The following GIPR variants were observed in gnomAD, a reference collection of about 807,000 sequenced individuals.
The protein encoded by GIPR is GIP-R.
Under a neutral mutation model 62.2 loss-of-function variants are expected in GIPR, and 74 were observed. That is an observed-to-expected ratio of 1.19 (90% confidence interval 0.99 to 1.44). GIPR has a LOEUF of 1.44. Among genes scored for constraint, GIPR ranks in the 40% most tolerant of loss-of-function variants. The pLI is 0.00. For missense variants in GIPR, 664 were observed against 611.8 expected (o/e 1.09, Z -0.90); for synonymous variants, 256 against 262.2 (o/e 0.98, Z 0.23).
chr19:45,675,574 C>CA (rs35162445), intron 7 of GIPR, among the ~76,000 whole-genome samples: 14,081 of 48,396 alleles, frequency 0.29, 2,926 homozygotes, highest in East Asian at 0.43. Flanking sequence ...GACTCCATCG[C>CA]AAAAAAAAAA....
At position 45,681,913 on chromosome 19, in the gene GIPR, G is replaced by A. The variant is rs866824282; in HGVS notation, c.1379G>A (p.Arg460Gln). 2 of 1,560,458 alleles carry A rather than the reference G, an allele frequency of 1.3e-6. No homozygotes were observed. Among genetic ancestry groups the A allele is most frequent in the African/African-American group, 1.3e-5 (1 of 74,206 alleles). Residue 460 changes from arginine (R) to glutamine (Q), a missense_variant, in exon 14 of 14, where the codon CGG becomes CAG. Arg to Gln is a conservative substitution (Grantham distance 43, BLOSUM62 1). Transcript: ENST00000590918. ...CCAGGGCCTGGGAATGAGGCCAGCCGGGAGTTGGAAAGTTACTGCTAGGGG... is the reference window on the plus strand; with the variant it reads ...CCAGGGCCTGGGAATGAGGCCAGCCAGGAGTTGGAAAGTTACTGCTAGGGG... ...TLPGPGNEAS[R>Q]ELESYC
At chr19:45,677,177 G>T (rs1295860620) in intron 8 of GIPR, 69 bp downstream of exon 8, 15 of 1,545,812 alleles carry the variant, frequency 9.7e-6, no homozygotes, top group Non-Finnish European at 1.3e-5. Flanking sequence ...TGCCCTGCTG[G>T]TTGGCCTCTG....
rs149344188 is a variant in GIPR at position 45,674,154 on chromosome 19, C to T, written c.465C>T (p.Ala155=). The change falls in exon 6 of 14, where the codon GCC becomes GCT. Residue 155 remains alanine (A), a synonymous_variant. Coordinates refer to ENST00000590918, the MANE Select transcript of GIPR (RefSeq NM_000164.4). Reference sequence around the variant, plus strand: ...TGTCTCTCGCCACACTGCTGCTAGCCCTGCTCATCTTGAGTTTGTTCAGGT... The same window carrying T: ...TGTCTCTCGCCACACTGCTGCTAGCTCTGCTCATCTTGAGTTTGTTCAGGT... ...YSLSLATLLL[A]LLILSLFRRL... 1,675 of 1,612,608 alleles carry T rather than the reference C, an allele frequency of 1.0e-3. No individual in the cohort carries two copies. Among genetic ancestry groups the T allele is most frequent in the Non-Finnish European group, 1.2e-3 (1,470 of 1,178,670 alleles).
At chr19:45,678,451 A>C (rs1967072418) in intron 12 of GIPR, 1 of 594,594 alleles carries the variant, frequency 1.7e-6, no homozygotes. Flanking sequence ...GCAGCCTCTG[A>C]CTCCCGGGTT....
chr19:45,671,212 C>T, intron 3 of GIPR, 73 bp from the exon 4 acceptor site: 1 of 867,888 alleles, frequency 1.2e-6, no homozygotes, highest in East Asian at 2.4e-5. Context: ...AAGCACTTGG[C>T]CCACTGCGCA....
Position 45,683,088 on chromosome 19 carries a change from G to C in GIPR, c.*1153G>C, listed in dbSNP as rs1378372159. On this transcript the variant is annotated 3_prime_UTR_variant, in exon 14 of 14. Transcript: ENST00000590918. ...ACACAGCAGCAGAGAGGACTCCTTG[G>C]CTTTGGATGGTGGAGAGACTAAAGA... The C allele has an allele frequency of 2.0e-5, 3 of 152,702 alleles. No homozygotes were observed. Among genetic ancestry groups the C allele is most frequent in the African/African-American group, 4.8e-5 (2 of 41,430 alleles). The allele number at this position is 152,702 out of a possible 1,614,324, so 9.5% of individuals were successfully genotyped here.
At chr19:45,676,466 C>G (rs868729954) in intron 7 of GIPR, among the ~76,000 whole-genome samples, 1 of 137,046 alleles carries the variant, frequency 7.3e-6, no homozygotes, top group African/African-American at 2.8e-5. Context: ...CGGAGTCTCC[C>G]TCTGTCGCTC....
At chr19:45,681,244 C>T (rs755265441) in intron 12 of GIPR, among the ~76,000 whole-genome samples, 7 of 152,144 alleles carry the variant, frequency 4.6e-5, no homozygotes, top group Admixed American at 1.3e-4. Flanking sequence ...CCTGTAATCT[C>T]AGCACTTTGA....
chr19:45,681,380 A>G (rs1243255479), intron 12 of GIPR, among the ~76,000 whole-genome samples: 6 of 152,150 alleles, frequency 3.9e-5, no homozygotes, highest in Non-Finnish European at 7.4e-5. Flanking sequence ...CTGTAATCCC[A>G]GCTACTCAGG....
intron 3 of GIPR, 132 bp from the exon 4 acceptor site, chr19:45,671,153 G>C (rs924507572): frequency 4.2e-6 from 3 of 714,018 alleles, no homozygotes; most frequent in Non-Finnish European, 7.6e-6. Flanking sequence ...GGCGGGGCTA[G>C]AGCCGGGCTT....
rs2146105116 is a variant in GIPR at position 45,681,591 on chromosome 19, C to T, written c.1153-13C>T. On this transcript the variant is annotated splice_polypyrimidine_tract_variant and intron_variant, in intron 12 of 13. Coordinates refer to ENST00000590918, the MANE Select transcript of GIPR (RefSeq NM_000164.4). ...CCCACCAGCGATGTAACCTCCGCGC[C>T]TCCTCTGGGCAGGGCTTCCTGGTCA... 3 of 1,613,272 alleles carry T rather than the reference C, an allele frequency of 1.9e-6. No individual in the cohort carries two copies. Among genetic ancestry groups the T allele is most frequent in the East Asian group, 4.5e-5 (2 of 44,876 alleles).
chr19:45,680,601 G>A (rs931865276), intron 12 of GIPR, among the ~76,000 whole-genome samples: 20 of 151,862 alleles, frequency 1.3e-4, no homozygotes, highest in Non-Finnish European at 2.4e-4. Flanking sequence ...AGGCTGAGGC[G>A]GGCGTATTGC....
chr19:45,679,181 A>G (rs1456606891), intron 12 of GIPR, among the ~76,000 whole-genome samples: 1 of 152,118 alleles, frequency 6.6e-6, no homozygotes, highest in Non-Finnish European at 1.5e-5. Context: ...TAAACACACT[A>G]TAGAAGTAAG....
Position 45,678,219 on chromosome 19 carries a change from C to G in GIPR, c.1145C>G (p.Ser382Cys). 1.9e-6 allele frequency: 3 copies of G among 1,564,652 alleles called. No homozygotes were observed. The highest frequency in any genetic ancestry group is 2.6e-6 in the Non-Finnish European group (3 of 1,155,304). Residue 382 changes from serine (S) to cysteine (C), a missense_variant, in exon 12 of 14, where the codon TCC (serine) becomes TGC (cysteine). By Grantham distance (112) the Ser-to-Cys change is moderately radical. Coordinates refer to ENST00000590918, the MANE Select transcript of GIPR (RefSeq NM_000164.4). ...AKLGFEIFLSSFQGFLVSVLY... is the reference protein window; with the variant it reads ...AKLGFEIFLSCFQGFLVSVLY... ...CTCGGCTTTGAGATCTTCCTCAGCT[C>G]CTTCCAGGTGCTCAGGCAGGGTGCA...
intron 12 of GIPR, among the ~76,000 whole-genome samples, chr19:45,680,839 CAA>C (rs10561788): frequency 0.24 from 26,849 of 111,526 alleles, 2,796 homozygotes; most frequent in East Asian, 0.42. Context: ...TCCCTGTCTC[CAA>C]AAAAAAAAAA....
rs1159346488 is a variant in GIPR, at chr19:45,676,951, C to T, written c.636C>T (p.Ala212=). The part of the protein sequence containing the change: ...GDQALALWNQ[A]LAACRTAQIV... ...CTACCGGTCTGGCCCCTCCCTAGGC[C>T]CTCGCTGCCTGCCGCACGGCCCAGA... Residue 212 remains alanine, a splice_region_variant and synonymous_variant, in exon 8 of 14, where the codon GCC becomes GCT. Transcript: ENST00000590918. 1 of 1,613,826 alleles carries T rather than the reference C, an allele frequency of 6.2e-7. No individual in the cohort carries two copies. The highest frequency in any genetic ancestry group is 2.2e-5 in the East Asian group (1 of 44,894).
chr19:45,677,915 C>T lies in GIPR; in HGVS notation c.934C>T (p.Leu312Phe), dbSNP rs183321661. The change falls in exon 11 of 14, where the codon CTC becomes TTC. Residue 312 changes from leucine (L) to phenylalanine (F), a missense_variant. By Grantham distance (22) the Leu-to-Phe change is conservative (BLOSUM62 0). Coordinates refer to ENST00000590918, the MANE Select transcript of GIPR (RefSeq NM_000164.4). ...TTATCTCTCCCCACAGATTAATTTC[C>T]TCATTTTTATCCGCATTCTTGGCAT... ...PILMTILINF[L>F]IFIRILGILL... 4 of 1,614,024 alleles carry T rather than the reference C, an allele frequency of 2.5e-6. No homozygotes were observed. The East Asian group carries it at 8.9e-5, about 36-fold the overall frequency.
chr19:45,669,730 G>A (rs1313520667), intron 2 of GIPR, 138 bp downstream of exon 2: 1 of 1,175,770 alleles, frequency 8.5e-7, no homozygotes, highest in African/African-American at 1.5e-5. Context: ...TGGATCACTT[G>A]AGGCCAGGAG....
rs763469385 is a variant in GIPR, at chr19:45,681,641, A to C, written c.1190A>C (p.Lys397Thr). ...LVSVLYCFIN[K>T]EVQSEIRRGW... ...AGCGTCCTCTACTGCTTCATCAACA[A>C]GGAGGTAGGCAGAGACCCGGCCGCC... is the stretch of plus-strand genomic sequence containing the variant. Residue 397 changes from lysine to threonine, a missense_variant, in exon 13 of 14, where the codon AAG becomes ACG. Physicochemically the swap from Lys to Thr is moderately conservative, Grantham distance 78. Transcript: ENST00000590918. The C allele has an allele frequency of 7.4e-6, 12 of 1,613,686 alleles. No homozygotes were observed. The East Asian group carries it at 2.5e-4, about 33-fold the overall frequency.
Sources: allele counts gnomAD v4.1 joint callset (sites outside exome capture counted in the v4.1 genomes callset), GRCh38; gene constraint gnomAD v4.1.1; transcripts MANE v1.5; gene names NCBI Gene and HGNC (gene_info 2026-07-23, HGNC 2026-07-21).